THADA: variants seen among roughly 807,000 people sequenced by gnomAD.
THADA encodes the protein THADA armadillo repeat containing, also known as tRNA (32-2'-O)-methyltransferase regulator THADA.
THADA carries 213 observed loss-of-function variants against 219.8 expected under a neutral mutation model. That is an observed-to-expected ratio of 0.97 (90% CI 0.87 to 1.09). THADA has a LOEUF of 1.09. THADA is among the 50% of genes least tolerant of loss of function. The probability of loss-of-function intolerance (pLI) is 0.00; values close to 1 mark genes in which losing one functional copy is unlikely to be tolerated. For synonymous variants in THADA, 1,018 were observed against 828.9 expected, an observed-to-expected ratio of 1.23 and a Z score of -3.92; for missense variants, 2,956 against 2,311.3, an observed-to-expected ratio of 1.28 and a Z score of -5.72.
chr2:43,538,344 G>C (rs1304017241), intron 21 of THADA: 1 of 152,130 alleles, frequency 6.6e-6, no homozygotes, highest in Non-Finnish European at 1.5e-5. Flanking sequence ...CCTCAAAGTT[G>C]GTTTTATCTC....
At position 43,574,697 on chromosome 2, in the gene THADA, C is replaced by T. The variant is rs907000358; in HGVS notation, c.1368G>A (p.Thr456=). 3.7e-6 allele frequency: 6 copies of T among 1,613,896 alleles called. No homozygotes were observed. Among genetic ancestry groups the T allele is most frequent in the African/African-American group, 2.7e-5 (2 of 74,940 alleles). Residue 456 remains threonine, a synonymous_variant, in exon 11 of 38, where the codon ACG becomes ACA. Transcript: ENST00000405975. ...TGCACTCTACCAAACAACCAAGGCACGTGTACTTTCCTTTAATATGCCATT... is the reference window on the plus strand; with the variant it reads ...TGCACTCTACCAAACAACCAAGGCATGTGTACTTTCCTTTAATATGCCATT... ...RLEWHIKGKY[T]CLGCLVECIG...
chr2:43,593,204 C>A (rs537615345), intron 1 of THADA, among the ~76,000 whole-genome samples: 25 of 152,166 alleles, frequency 1.6e-4, no homozygotes, highest in African/African-American at 6.0e-4. Context: ...GGTCAATAAA[C>A]TGGAATAACG....
rs1166291074 is a variant in THADA, at chr2:43,498,881, A to G, written c.3696T>C (p.Ala1232=). The G allele has an allele frequency of 6.2e-7, 1 of 1,611,688 alleles. No individual in the cohort carries two copies. Among genetic ancestry groups the G allele is most frequent in the South Asian group, 1.1e-5 (1 of 90,284 alleles). The change falls in exon 25 of 38, where the codon GCT becomes GCC. Residue 1232 remains alanine (A), a synonymous_variant. Coordinates refer to ENST00000405975, the MANE Select transcript of THADA (RefSeq NM_022065.5). ...RLGENIIPYV[A]DGAKAAILGF... ...CCAGAATTGCAGCCTTAGCTCCATC[A>G]GCAACATAAGGAATAATATTTTCTC...
intron 30 of THADA, among the ~76,000 whole-genome samples, chr2:43,329,981 C>G (rs1056072778): frequency 1.3e-5 from 2 of 152,232 alleles, no homozygotes; most frequent in Admixed American, 6.5e-5. Context: ...CTGGTCTCCT[C>G]TATTTCACAC....
At chr2:43,477,900 T>C (rs987720824) in intron 26 of THADA, among the ~76,000 whole-genome samples, 4 of 152,244 alleles carry the variant, frequency 2.6e-5, no homozygotes, top group Admixed American at 2.0e-4. Context: ...TCTGTTTATG[T>C]TACATGATCC....
chr2:43,474,871 G>A (rs944267386), intron 26 of THADA, among the ~76,000 whole-genome samples: 2 of 152,164 alleles, frequency 1.3e-5, no homozygotes, highest in Non-Finnish European at 2.9e-5. Context: ...TTTCTCAAGA[G>A]AAGTTAGTCT....
chr2:43,302,137 G>A (rs1158822005), intron 31 of THADA, among the ~76,000 whole-genome samples: 1 of 151,824 alleles, frequency 6.6e-6, no homozygotes, highest in East Asian at 1.9e-4. Context: ...TGAGTACCTG[G>A]GACTATAGGT....
chr2:43,475,005 C>T (rs1290769846), intron 26 of THADA, among the ~76,000 whole-genome samples: 8 of 152,028 alleles, frequency 5.3e-5, no homozygotes, highest in East Asian at 1.9e-4. Flanking sequence ...AAGAAAGAAA[C>T]GTAGCAAACA....
intron 29 of THADA, among the ~76,000 whole-genome samples, chr2:43,390,978 G>A (rs918850067): frequency 6.6e-6 from 1 of 152,164 alleles, no homozygotes; most frequent in Non-Finnish European, 1.5e-5. Flanking sequence ...AAGCTCAAAA[G>A]CTTCAAACGA....
In THADA at chr2:43,498,726, T is replaced by C. The variant is rs530654033; in HGVS notation, c.3744+107A>G. On this transcript the variant is annotated intron_variant, in intron 25 of 37. Coordinates refer to ENST00000405975, the MANE Select transcript of THADA (RefSeq NM_022065.5). ...ATCCAAAGATTTCTAAGAAAATTCA[T>C]GGTAAAGGGCAGGAAATATTTTTTA... 2.7e-5 allele frequency: 32 copies of C among 1,202,262 alleles called. 1 individual carries two copies. In the East Asian group the frequency reaches 2.7e-4, roughly 10 times the overall value. The allele number at this position is 1,202,262 out of a possible 1,614,324, so 74.5% of individuals were successfully genotyped here.
At chr2:43,276,996 A>G (rs1672795755) in intron 36 of THADA, among the ~76,000 whole-genome samples, 1 of 152,082 alleles carries the variant, frequency 6.6e-6, no homozygotes, top group African/African-American at 2.4e-5. Flanking sequence ...ATTCTCATAC[A>G]TCAGTCCTCT....
chr2:43,411,187 T>C (rs1676253490), intron 28 of THADA, among the ~76,000 whole-genome samples: 1 of 152,216 alleles, frequency 6.6e-6, no homozygotes, highest in Admixed American at 6.5e-5. Context: ...GTTAACTGAC[T>C]TGCCCAGGCT....
At chr2:43,518,704 C>T (rs960582364) in intron 22 of THADA, among the ~76,000 whole-genome samples, 2 of 152,030 alleles carry the variant, frequency 1.3e-5, no homozygotes, top group African/African-American at 4.8e-5. Context: ...TAACTTTTTC[C>T]TTTCTTTCTT....
At chr2:43,496,710 C>T (rs1368713744) in intron 25 of THADA, among the ~76,000 whole-genome samples, 1 of 151,518 alleles carries the variant, frequency 6.6e-6, no homozygotes, top group Non-Finnish European at 1.5e-5. Flanking sequence ...CAAACTGGAA[C>T]TTGTGCATGG....
intron 13 of THADA, 138 bp from the exon 14 acceptor site, chr2:43,570,648 C>A: frequency 1.1e-6 from 1 of 903,882 alleles, no homozygotes. Context: ...TATAATGTTT[C>A]TTTTTGACAG....
chr2:43,473,745 A>T (rs1685195025), intron 26 of THADA, among the ~76,000 whole-genome samples: 1 of 151,942 alleles, frequency 6.6e-6, no homozygotes, highest in Admixed American at 6.6e-5. Flanking sequence ...AGTAGCTGGG[A>T]TTACAGGCGC....
chr2:43,332,521 T>C (rs1031495734), intron 30 of THADA, among the ~76,000 whole-genome samples: 6 of 152,232 alleles, frequency 3.9e-5, no homozygotes, highest in African/African-American at 1.2e-4. Context: ...CTTGTAATAT[T>C]TGTGACTCTG....
At chr2:43,263,942 G>A (rs1376926904) in intron 36 of THADA, among the ~76,000 whole-genome samples, 2 of 151,444 alleles carry the variant, frequency 1.3e-5, no homozygotes, top group African/African-American at 4.9e-5. Flanking sequence ...ATATCACCCT[G>A]TCTCCCCAAA....
At chr2:43,404,395 A>C (rs1018616290) in intron 28 of THADA, among the ~76,000 whole-genome samples, 47 of 148,540 alleles carry the variant, frequency 3.2e-4, no homozygotes, top group African/African-American at 1.1e-3. Flanking sequence ...TTTTTTTTTA[A>C]AGTAGAGACA....
Sources: gnomAD v4.1 joint callset for allele counts (sites outside exome capture counted in the v4.1 genomes callset) on GRCh38, gnomAD v4.1.1 for gene constraint, MANE v1.5 for transcripts, NCBI Gene and HGNC (gene_info 2026-07-23, HGNC 2026-07-21) for gene names.